LHFPL6: variants seen among roughly 807,000 people sequenced by gnomAD.
The protein encoded by LHFPL6 is LHFPL tetraspan subfamily member 6 protein.
A neutral mutation model predicts 20.6 loss-of-function variants in LHFPL6; 9 were observed. The observed-to-expected ratio is 0.44, with a 90% confidence interval of 0.26 to 0.76. LHFPL6 has a LOEUF of 0.76. Ranked by LOEUF, LHFPL6 falls within the 30% of genes least tolerant of loss-of-function variation. The pLI is 0.20. For synonymous variants in LHFPL6, 105 were observed against 98.7 expected, an observed-to-expected ratio of 1.06 and a Z score of -0.38; for missense variants, 218 against 253.5, an observed-to-expected ratio of 0.86 and a Z score of 0.95.
At chr13:39,477,860 G>A (rs1873122647) in intron 2 of LHFPL6, among the ~76,000 whole-genome samples, 1 of 152,164 alleles carries the variant, frequency 6.6e-6, no homozygotes, top group South Asian at 2.1e-4. Context: ...TCAACAGATA[G>A]CTAATAAATA....
chr13:39,524,414 C>A (rs1180822110), intron 2 of LHFPL6, among the ~76,000 whole-genome samples: 1 of 151,618 alleles, frequency 6.6e-6, no homozygotes, highest in African/African-American at 2.4e-5. Context: ...TTTATTTATA[C>A]ACCTTTCAAG....
At chr13:39,366,790 CATAGTGGGTTTGTGTCACAGT>C (rs1449736294) in intron 3 of LHFPL6, among the ~76,000 whole-genome samples, 4 of 152,180 alleles carry the variant, frequency 2.6e-5, no homozygotes, top group Non-Finnish European at 4.4e-5. Flanking sequence ...ATGCAACAAA[CATAGTGGGTTTGTGTCACAGT>C]TGAGGAACCC....
intron 2 of LHFPL6, among the ~76,000 whole-genome samples, chr13:39,405,228 T>A (rs1380187611): frequency 6.6e-6 from 1 of 152,170 alleles, no homozygotes; most frequent in Non-Finnish European, 1.5e-5. Flanking sequence ...AGGCTATCTA[T>A]CCATCCCAAC....
chr13:39,486,541 C>T (rs1593331840), intron 2 of LHFPL6, among the ~76,000 whole-genome samples: 1 of 152,144 alleles, frequency 6.6e-6, no homozygotes, highest in African/African-American at 2.4e-5. Context: ...CCAATGGGAG[C>T]AGACACAGGG....
intron 2 of LHFPL6, among the ~76,000 whole-genome samples, chr13:39,398,503 T>C (rs560261818): frequency 2.0e-5 from 3 of 152,242 alleles, no homozygotes; most frequent in Admixed American, 6.5e-5. Context: ...GGTAAGCTGC[T>C]TCAGTCTTCA....
chr13:39,463,508 T>C (rs1000181771), intron 2 of LHFPL6, among the ~76,000 whole-genome samples: 1 of 152,186 alleles, frequency 6.6e-6, no homozygotes. Context: ...ATTCAAACTT[T>C]CCTATTAATG....
chr13:39,396,864 G>A (rs1870855286), intron 2 of LHFPL6, among the ~76,000 whole-genome samples: 1 of 152,046 alleles, frequency 6.6e-6, no homozygotes, highest in South Asian at 2.1e-4. Flanking sequence ...ACACACAGAG[G>A]CAGAGTTTGG....
intron 2 of LHFPL6, among the ~76,000 whole-genome samples, chr13:39,572,145 A>G (rs1297941074): frequency 6.6e-6 from 1 of 152,266 alleles, no homozygotes; most frequent in Non-Finnish European, 1.5e-5. Flanking sequence ...AGTAGCAATC[A>G]GATAGCAACG....
intron 2 of LHFPL6, among the ~76,000 whole-genome samples, chr13:39,583,287 C>G (rs892178868): frequency 2.0e-5 from 3 of 151,894 alleles, no homozygotes; most frequent in African/African-American, 4.8e-5. Flanking sequence ...ATCCTCCCCC[C>G]TCAGCCCCCT....
intron 2 of LHFPL6, among the ~76,000 whole-genome samples, chr13:39,410,439 A>T (rs1871219336): frequency 6.6e-6 from 1 of 152,202 alleles, no homozygotes. Flanking sequence ...ATGGAACACC[A>T]CCACTAAACT....
intron 2 of LHFPL6, among the ~76,000 whole-genome samples, chr13:39,505,508 A>C (rs558395681): frequency 2.0e-4 from 31 of 152,296 alleles, no homozygotes; most frequent in South Asian, 6.2e-4. Flanking sequence ...AAAAAAAAAA[A>C]ACACATGAAG....
intron 2 of LHFPL6, among the ~76,000 whole-genome samples, chr13:39,556,314 A>G (rs1323874060): frequency 6.6e-6 from 1 of 152,230 alleles, no homozygotes; most frequent in East Asian, 1.9e-4. Flanking sequence ...AAAGAAGAAG[A>G]CAGGAAGATG....
intron 2 of LHFPL6, among the ~76,000 whole-genome samples, chr13:39,521,573 A>G (rs1307732929): frequency 6.6e-6 from 1 of 152,038 alleles, no homozygotes; most frequent in Non-Finnish European, 1.5e-5. Flanking sequence ...CTGATAAGAT[A>G]TCCAACGGGT....
chr13:39,479,034 TATAG>T (rs34879497), intron 2 of LHFPL6, among the ~76,000 whole-genome samples: 17,916 of 143,914 alleles, frequency 0.12, 1,253 homozygotes, highest in African/African-American at 0.19. Context: ...GGGAGATAGA[TATAG>T]ATAGATAGAT....
At chr13:39,600,567 A>T (rs186383502) in intron 2 of LHFPL6, among the ~76,000 whole-genome samples, 2 of 152,298 alleles carry the variant, frequency 1.3e-5, no homozygotes, top group Non-Finnish European at 2.9e-5. Flanking sequence ...TACACCTCAA[A>T]CAACCTAGAT....
At chr13:39,575,186 C>T (rs985313412) in intron 2 of LHFPL6, among the ~76,000 whole-genome samples, 5 of 152,254 alleles carry the variant, frequency 3.3e-5, no homozygotes, top group South Asian at 2.1e-4. Context: ...ACCACATACA[C>T]GGGTAACCAG....
intron 2 of LHFPL6, among the ~76,000 whole-genome samples, chr13:39,547,968 T>A (rs1409708887): frequency 6.6e-6 from 1 of 152,096 alleles, no homozygotes; most frequent in Non-Finnish European, 1.5e-5. Flanking sequence ...AATGGATTTA[T>A]GTACCTTATC....
At chr13:39,500,154 C>G (rs1412022898) in intron 2 of LHFPL6, among the ~76,000 whole-genome samples, 1 of 151,902 alleles carries the variant, frequency 6.6e-6, no homozygotes, top group Non-Finnish European at 1.5e-5. Flanking sequence ...AGGTATAAGC[C>G]CTTTGCATTT....
chr13:39,544,074 T>C (rs1593356756), intron 2 of LHFPL6, among the ~76,000 whole-genome samples: 1 of 152,196 alleles, frequency 6.6e-6, no homozygotes, highest in East Asian at 1.9e-4. Context: ...CTAGGCTATT[T>C]AGCTATTATC....
Sources: allele counts gnomAD v4.1 joint callset (sites outside exome capture counted in the v4.1 genomes callset), GRCh38; gene constraint gnomAD v4.1.1; transcripts MANE v1.5; gene names NCBI Gene and HGNC (gene_info 2026-07-23, HGNC 2026-07-21).